Variants in PRKN observed in about 807,000 individuals in gnomAD.
PRKN encodes E3 ubiquitin-protein ligase parkin.
In PRKN, 56 loss-of-function variants were observed where a neutral mutation model predicts 59.5. That is an observed-to-expected ratio of 0.94 (90% CI 0.76 to 1.18). The LOEUF (loss-of-function observed/expected upper bound fraction) is 1.18. Among genes scored for constraint, PRKN ranks in the 50% most tolerant of loss-of-function variants. The probability of loss-of-function intolerance (pLI) is 0.00; values close to 1 mark genes in which losing one functional copy is unlikely to be tolerated. For synonymous variants in PRKN, 250 were observed against 222.1 expected, an observed-to-expected ratio of 1.13 and a Z score of -1.12; for missense variants, 657 against 596.4, an observed-to-expected ratio of 1.10 and a Z score of -1.06.
At position 161,371,158 on chromosome 6, in the gene PRKN, A is replaced by C. The variant is rs895235208; in HGVS notation, c.1168-10953T>G. Among the ~76,000 whole-genome samples the C allele has an allele frequency of 6.7e-6, 1 of 148,454 alleles. No individual in the cohort carries two copies. Among genetic ancestry groups the C allele is most frequent in the Non-Finnish European group, 1.5e-5 (1 of 67,002 alleles). On this transcript the variant is annotated intron_variant, in intron 10 of 11. Coordinates refer to ENST00000366898, the MANE Select transcript of PRKN (RefSeq NM_004562.3). This position sits in a 1 kb window ranked among gnomAD's most constrained non-coding sequence, Gnocchi z 5.5. ...AATATGTATATATGTATATATTTAA[A>C]TGTATTTTGTTATTTTTTTTTTTGA...
chr6:162,446,032 C>A (rs953920560), intron 1 of PRKN, among the ~76,000 whole-genome samples: 1 of 152,074 alleles, frequency 6.6e-6, no homozygotes, highest in Admixed American at 6.6e-5. Context: ...AAAGAAAATT[C>A]ATGAAAAATA....
rs534683443 is a variant in PRKN, at chr6:161,363,191, G to A, written c.1168-2986C>T. Among the ~76,000 whole-genome samples, 1 of 152,280 alleles carries A rather than the reference G, an allele frequency of 6.6e-6. No individual in the cohort carries two copies. The highest frequency in any genetic ancestry group is 2.4e-5 in the African/African-American group (1 of 41,554). On this transcript the variant is annotated intron_variant, in intron 10 of 11. Transcript: ENST00000366898. The surrounding 1 kb of genome is among the most constrained non-coding windows in gnomAD (Gnocchi z 4.1). ...TGGGGGGCAGAGGTTGCAGTGAGCC[G>A]AGATTTTGCCACTGCATTCCAGTCC...
intron 1 of PRKN, among the ~76,000 whole-genome samples, chr6:162,618,130 CTCTT>C (rs1782507630): frequency 1.3e-5 from 2 of 152,076 alleles, no homozygotes; most frequent in African/African-American, 2.4e-5. Flanking sequence ...TATTACATGC[CTCTT>C]TCTGTCTGAA....
chr6:162,425,373 A>G (rs913585967), intron 2 of PRKN, among the ~76,000 whole-genome samples: 1 of 152,194 alleles, frequency 6.6e-6, no homozygotes, highest in Non-Finnish European at 1.5e-5. Flanking sequence ...ATAATCTTCC[A>G]AGGGAGAGAA....
chr6:161,532,158 CTCTCTCTCTATA>C (rs1171057473), intron 9 of PRKN, among the ~76,000 whole-genome samples: 381 of 57,910 alleles, frequency 6.6e-3, no homozygotes, highest in South Asian at 0.063. Flanking sequence ...CTCTCTCTCT[CTCTCTCTCTATA>C]TATATATATA....
At chr6:162,467,488 C>T (rs79778110) in intron 1 of PRKN, among the ~76,000 whole-genome samples, 14,146 of 152,158 alleles carry the variant, frequency 0.093, 846 homozygotes, top group Non-Finnish European at 0.13. Context: ...AAAAATTTAG[C>T]GATCGTCATC....
intron 1 of PRKN, among the ~76,000 whole-genome samples, chr6:162,521,973 G>A (rs1778094771): frequency 6.6e-6 from 1 of 152,116 alleles, no homozygotes; most frequent in East Asian, 1.9e-4. Flanking sequence ...ATCAAACTAA[G>A]AAACACTTAG....
chr6:162,066,911 C>T (rs10945795), intron 4 of PRKN, among the ~76,000 whole-genome samples: 4,455 of 152,230 alleles, frequency 0.029, 214 homozygotes, highest in African/African-American at 0.1. Context: ...TTTATGGTAA[C>T]AGAATTTCTG....
At chr6:161,981,679 C>T (rs1435444300) in intron 5 of PRKN, among the ~76,000 whole-genome samples, 5 of 152,112 alleles carry the variant, frequency 3.3e-5, no homozygotes, top group South Asian at 2.1e-4. Context: ...CTGAAGTGTT[C>T]GACTTACTGG....
chr6:162,509,962 C>T (rs1777522907), intron 1 of PRKN, among the ~76,000 whole-genome samples: 1 of 152,106 alleles, frequency 6.6e-6, no homozygotes, highest in Non-Finnish European at 1.5e-5. Flanking sequence ...GCATGTCATT[C>T]TTTTATGCCC....
chr6:162,264,872 C>T (rs1213788875), intron 2 of PRKN: 1 of 152,124 alleles, frequency 6.6e-6, no homozygotes, highest in Non-Finnish European at 1.5e-5. Flanking sequence ...TTCCTCCTAC[C>T]TAATCTTTGA....
chr6:161,937,888 A>G (rs1389407300), intron 6 of PRKN, among the ~76,000 whole-genome samples: 1 of 152,190 alleles, frequency 6.6e-6, no homozygotes, highest in Non-Finnish European at 1.5e-5. Flanking sequence ...CAATCAAACG[A>G]AACATTTCTA....
chr6:162,721,082 A>G (rs1778925193), intron 1 of PRKN, among the ~76,000 whole-genome samples: 1 of 152,206 alleles, frequency 6.6e-6, no homozygotes, highest in African/African-American at 2.4e-5. Context: ...ATATCAAATC[A>G]ATGTCAACAC....
chr6:162,188,616 G>T (rs975838071), intron 4 of PRKN, among the ~76,000 whole-genome samples: 27 of 152,010 alleles, frequency 1.8e-4, no homozygotes, highest in African/African-American at 6.5e-4. Flanking sequence ...TGGCTCCAAC[G>T]CTGTTCTTTG....
intron 7 of PRKN, among the ~76,000 whole-genome samples, chr6:161,747,540 A>G (rs1191601190): frequency 6.6e-6 from 1 of 152,200 alleles, no homozygotes; most frequent in Admixed American, 6.5e-5. Flanking sequence ...GAAATTCTGT[A>G]GTGCAGCCAA....
chr6:162,180,555 G>A (rs556085141), intron 4 of PRKN, among the ~76,000 whole-genome samples: 5 of 152,104 alleles, frequency 3.3e-5, no homozygotes, highest in East Asian at 3.9e-4. Flanking sequence ...AAGAATTGTC[G>A]GCTCACAGGA....
In PRKN at chr6:161,386,282, T is replaced by C. The variant is rs1261949373; in HGVS notation, c.1167+512A>G. ...AAGACTGAGATAGCACCTTAGAGAG[T>C]GAGGCTCGGCCAACACATTCTTTAC... On this transcript the variant is annotated intron_variant, in intron 10 of 11. Coordinates refer to ENST00000366898, the MANE Select transcript of PRKN (RefSeq NM_004562.3). The surrounding 1 kb of genome is among the most constrained non-coding windows in gnomAD (Gnocchi z 4.3). Among the ~76,000 whole-genome samples, 2 of 152,032 alleles carry C rather than the reference T, an allele frequency of 1.3e-5. 1 individual carries two copies. The highest frequency in any genetic ancestry group is 1.3e-4 in the Admixed American group (2 of 15,262).
At chr6:162,021,102 C>CAA (rs375989505) in intron 5 of PRKN, among the ~76,000 whole-genome samples, 1,697 of 82,056 alleles carry the variant, frequency 0.021, 215 homozygotes, top group African/African-American at 0.074. Flanking sequence ...GACTCTGTCT[C>CAA]AAAAAAAAAA....
chr6:161,383,196 A>T (rs1786071150), intron 10 of PRKN, among the ~76,000 whole-genome samples: 1 of 152,176 alleles, frequency 6.6e-6, no homozygotes, highest in Admixed American at 6.5e-5. Context: ...GCTTGAGAGA[A>T]ATGTAGGGAA....
Sources: gnomAD v4.1 joint callset for allele counts (sites outside exome capture counted in the v4.1 genomes callset) on GRCh38, gnomAD v4.1.1 for gene constraint, Gnocchi (gnomAD v3.1) non-coding constraint, MANE v1.5 for transcripts, NCBI Gene and HGNC (gene_info 2026-07-23, HGNC 2026-07-21) for gene names.